CCNJL: variants seen among roughly 807,000 people sequenced by gnomAD.
CCNJL encodes cyclin J like.
A neutral mutation model predicts 33.4 loss-of-function variants in CCNJL; 33 were observed. That is an observed-to-expected ratio of 0.99 (90% CI 0.75 to 1.32). The LOEUF (loss-of-function observed/expected upper bound fraction) is 1.32. Ranked by LOEUF, CCNJL falls within the 40% of genes most tolerant of loss-of-function variation. CCNJL has a pLI of 0.00. For synonymous variants in CCNJL, 227 were observed against 220.9 expected (o/e 1.03, Z -0.24); for missense variants, 512 against 499.7 (o/e 1.02, Z -0.23).
chr5:160,303,521 T>C (rs1260658294), intron 2 of CCNJL, among the ~76,000 whole-genome samples: 1 of 125,090 alleles, frequency 8.0e-6, no homozygotes. Flanking sequence ...TTTCCATTTT[T>C]ACAAAAAAAA....
At chr5:160,335,684 G>A (rs1763672748) in intron 1 of CCNJL, among the ~76,000 whole-genome samples, 3 of 151,812 alleles carry the variant, frequency 2.0e-5, no homozygotes, top group Non-Finnish European at 4.4e-5. Context: ...AGATCCTCCT[G>A]CCTCAGCCTC....
intron 1 of CCNJL, chr5:160,339,326 T>A: frequency 3.6e-6 from 1 of 281,178 alleles, no homozygotes. Flanking sequence ...TGATTATCAC[T>A]TTGTAACTCT....
chr5:160,266,773 A>AG (rs1416082108), intron 3 of CCNJL, among the ~76,000 whole-genome samples: 1 of 152,178 alleles, frequency 6.6e-6, no homozygotes, highest in Admixed American at 6.5e-5. Context: ...CAGGTTCTGA[A>AG]AAAGGGGCTG....
At chr5:160,283,965 G>A (rs746804087) in intron 2 of CCNJL, among the ~76,000 whole-genome samples, 19 of 152,012 alleles carry the variant, frequency 1.2e-4, no homozygotes, top group Non-Finnish European at 1.5e-4. Context: ...TCTTTTTTAC[G>A]GCTGAATAGT....
At chr5:160,334,082 C>T (rs1315891694) in intron 1 of CCNJL, among the ~76,000 whole-genome samples, 1 of 152,168 alleles carries the variant, frequency 6.6e-6, no homozygotes, top group Non-Finnish European at 1.5e-5. Context: ...TTTCAGGAAT[C>T]GCATGCTGTG....
chr5:160,307,366 C>T (rs1479872855), intron 2 of CCNJL, among the ~76,000 whole-genome samples: 1 of 152,158 alleles, frequency 6.6e-6, no homozygotes, highest in African/African-American at 2.4e-5. Context: ...GGGGCCAGGA[C>T]ACATGACAAA....
chr5:160,264,135 C>T (rs984397324), intron 3 of CCNJL, among the ~76,000 whole-genome samples: 4 of 152,042 alleles, frequency 2.6e-5, no homozygotes, highest in Admixed American at 2.6e-4. Context: ...TAGTAGAGCC[C>T]AGGCTGGTCG....
At chr5:160,300,649 C>T (rs548868731) in intron 2 of CCNJL, among the ~76,000 whole-genome samples, 11 of 152,138 alleles carry the variant, frequency 7.2e-5, no homozygotes, top group East Asian at 3.9e-4. Flanking sequence ...TGGACACCCC[C>T]GCTCTAGTCA....
intron 4 of CCNJL, chr5:160,258,239 T>G: frequency 1.5e-6 from 1 of 653,102 alleles, no homozygotes; most frequent in Non-Finnish European, 2.8e-6. Flanking sequence ...TAAGACCGAG[T>G]CTCGCTGGTC....
chr5:160,258,243 G>T (rs982607451), intron 4 of CCNJL: 1 of 658,786 alleles, frequency 1.5e-6, no homozygotes, highest in South Asian at 1.6e-5. Context: ...ACCGAGTCTC[G>T]CTGGTCAAAA....
At chr5:160,322,577 A>C (rs1763484343) in intron 1 of CCNJL, among the ~76,000 whole-genome samples, 1 of 152,246 alleles carries the variant, frequency 6.6e-6, no homozygotes, top group Non-Finnish European at 1.5e-5. Context: ...TCTAAGCCCA[A>C]AATGATCTCA....
chr5:160,281,024 A>G, intron 2 of CCNJL: 1 of 484,356 alleles, frequency 2.1e-6, no homozygotes, highest in East Asian at 4.2e-5. Flanking sequence ...AAGGCCATAA[A>G]GGAATAAAGG....
At chr5:160,272,726 G>A (rs1026762147) in intron 3 of CCNJL, among the ~76,000 whole-genome samples, 1 of 152,176 alleles carries the variant, frequency 6.6e-6, no homozygotes, top group Non-Finnish European at 1.5e-5. Flanking sequence ...ACGGAAAAAC[G>A]GGTCTCATCA....
intron 4 of CCNJL, among the ~76,000 whole-genome samples, chr5:160,256,688 C>T (rs554252906): frequency 6.6e-6 from 1 of 151,908 alleles, no homozygotes; most frequent in African/African-American, 2.4e-5. Flanking sequence ...GAGGCCAAGG[C>T]AGGTGGATCA....
intron 2 of CCNJL, among the ~76,000 whole-genome samples, chr5:160,285,469 G>A (rs1181486694): frequency 1.3e-5 from 2 of 152,198 alleles, no homozygotes; most frequent in East Asian, 3.9e-4. Context: ...AGAAAGCAAG[G>A]AAAGAATTGC....
chr5:160,254,783 C>T (rs1340740683), intron 5 of CCNJL: 1 of 156,708 alleles, frequency 6.4e-6, no homozygotes, highest in African/African-American at 2.4e-5. Context: ...CTTTAAGTAT[C>T]TTCTCTGACA....
upstream of CCNJL, among the ~76,000 whole-genome samples, chr5:160,316,728 CCTTA>C (rs1009805115): frequency 9.9e-5 from 15 of 152,172 alleles, no homozygotes; most frequent in African/African-American, 3.6e-4. Context: ...TCCTTGTGTG[CCTTA>C]CTGTTTTGTG....
intron 1 of CCNJL, among the ~76,000 whole-genome samples, chr5:160,324,627 G>GTCTA (rs60714767): frequency 1.9e-3 from 287 of 151,688 alleles, no homozygotes; most frequent in South Asian, 6.0e-3. Flanking sequence ...AAAACTGTCT[G>GTCTA]TCTATCTATC....
intron 1 of CCNJL, among the ~76,000 whole-genome samples, chr5:160,335,306 G>C (rs1409110394): frequency 6.6e-6 from 1 of 152,076 alleles, no homozygotes; most frequent in African/African-American, 2.4e-5. Flanking sequence ...ATATAATGTA[G>C]ACTATATAGT....
Sources: gnomAD v4.1 joint callset for allele counts (sites outside exome capture counted in the v4.1 genomes callset) on GRCh38, gnomAD v4.1.1 for gene constraint, MANE v1.5 for transcripts, NCBI Gene and HGNC (gene_info 2026-07-23, HGNC 2026-07-21) for gene names.